ZNF131: variants seen among roughly 807,000 people sequenced by gnomAD.
The protein encoded by ZNF131 is zinc finger and BTB domain containing 35.
A neutral mutation model predicts 60.0 loss-of-function variants in ZNF131; 7 were observed. The observed-to-expected ratio is 0.12, with a 90% CI of 0.07 to 0.22. The LOEUF (loss-of-function observed/expected upper bound fraction) is 0.22. Among genes scored for constraint, ZNF131 ranks in the 10% least tolerant of loss-of-function variants. The pLI, the probability that ZNF131 is intolerant of heterozygous loss-of-function variation, is 1.00. For missense variants in ZNF131, 493 were observed against 740.9 expected (o/e 0.67, Z 3.88); for synonymous variants, 257 against 253.2 (o/e 1.01, Z -0.14).
At chr5:43,137,604 G>A (rs894936511) in intron 3 of ZNF131, among the ~76,000 whole-genome samples, 3 of 151,914 alleles carry the variant, frequency 2.0e-5, no homozygotes, top group Non-Finnish European at 4.4e-5. Context: ...TAGTATTGGT[G>A]AGGATATAAA....
rs180785285 is a variant in ZNF131 at position 43,135,214 on chromosome 5, C to T, written c.227-3951C>T. Reference sequence around the variant, plus strand: ...GGTTTCTCCATGTTGAGGCTGGTCTCGAACTCCTGACCTCAGGTGATCCAC... The same window carrying T: ...GGTTTCTCCATGTTGAGGCTGGTCTTGAACTCCTGACCTCAGGTGATCCAC... On this transcript the variant is annotated intron_variant, in intron 3 of 6. Transcript: ENST00000682664. Among the ~76,000 whole-genome samples the T allele has an allele frequency of 4.3e-3, 654 of 150,682 alleles. 3 individuals carry two copies. Among genetic ancestry groups the T allele is most frequent in the African/African-American group, 0.014 (577 of 41,056 alleles).
At chr5:43,149,108 C>T (rs1210572028) in intron 4 of ZNF131, among the ~76,000 whole-genome samples, 4 of 152,244 alleles carry the variant, frequency 2.6e-5, no homozygotes, top group East Asian at 3.9e-4. Context: ...GGCGAAACCC[C>T]GTCTGTACAA....
chr5:43,137,230 C>T (rs902375579), intron 3 of ZNF131, among the ~76,000 whole-genome samples: 4 of 151,954 alleles, frequency 2.6e-5, no homozygotes, highest in Admixed American at 1.3e-4. Context: ...AACTAAAAAG[C>T]TTCTGTACAG....
At chr5:43,173,707 G>A (rs985938497) in intron 6 of ZNF131, among the ~76,000 whole-genome samples, 4 of 152,026 alleles carry the variant, frequency 2.6e-5, no homozygotes, top group South Asian at 2.1e-4. Flanking sequence ...ATTAAAATTT[G>A]GGGTGGGGAT....
rs1227183712 is a variant in ZNF131, at chr5:43,176,178, G to A, written c.*1045G>A. 1.3e-5 allele frequency: 2 copies of A among 151,900 alleles called. No homozygotes were observed. The highest frequency in any genetic ancestry group is 2.9e-5 in the Non-Finnish European group (2 of 67,944). 9.4% of individuals were successfully genotyped at this position (151,900 alleles called of 1,614,324 possible). On this transcript the variant is annotated 3_prime_UTR_variant, in exon 7 of 7. Coordinates refer to ENST00000682664, the MANE Select transcript of ZNF131 (RefSeq NM_001330707.2). ...CATACAAATAAGAGTGCTAAACTGT[G>A]GACTTAAAAGTAGGTGTGTAAATAT...
At chr5:43,130,269 A>AG (rs1290475297) in intron 3 of ZNF131, among the ~76,000 whole-genome samples, 2 of 139,384 alleles carry the variant, frequency 1.4e-5, no homozygotes, top group Non-Finnish European at 3.3e-5. Flanking sequence ...GTCTCCAAAA[A>AG]AAAAAAAAAA....
chr5:43,127,651 A>G (rs1744721122), intron 3 of ZNF131, among the ~76,000 whole-genome samples: 1 of 151,466 alleles, frequency 6.6e-6, no homozygotes, highest in African/African-American at 2.4e-5. Flanking sequence ...CTCACCCTCC[A>G]TGTTTTCTGT....
At chr5:43,170,955 ATTT>A (rs1172588023) in intron 5 of ZNF131, among the ~76,000 whole-genome samples, 1 of 130,816 alleles carries the variant, frequency 7.6e-6, no homozygotes, top group African/African-American at 3.0e-5. Context: ...TTTTTTTTAA[ATTT>A]TTTTGAGACA....
rs1002521469 is a variant in ZNF131 at position 43,126,002 on chromosome 5, T to C, written c.226+2692T>C. 2.6e-5 allele frequency among the ~76,000 whole-genome samples: 4 copies of C among 152,192 alleles called. 1 individual carries two copies. The South Asian group carries it at 8.3e-4, about 31-fold the overall frequency. On this transcript the variant is annotated intron_variant, in intron 3 of 6. Transcript: ENST00000682664. ...TTTCTGTCATTTGGTCAGATTCAGGTTTAAATAATTAATTTGGTTCAGTAT... is the reference window on the plus strand; with the variant it reads ...TTTCTGTCATTTGGTCAGATTCAGGCTTAAATAATTAATTTGGTTCAGTAT...
chr5:43,164,108 CAT>C (rs1318195943), intron 5 of ZNF131, among the ~76,000 whole-genome samples: 23 of 152,198 alleles, frequency 1.5e-4, no homozygotes, highest in Admixed American at 1.4e-3. Context: ...TGATTGCAAA[CAT>C]GTATATATAC....
intron 3 of ZNF131, 90 bp downstream of exon 3, chr5:43,123,400 T>A: frequency 8.8e-7 from 1 of 1,135,232 alleles, no homozygotes; most frequent in East Asian, 2.6e-5. Context: ...TAGCAAACAA[T>A]TGGTGAAGCA....
chr5:43,136,260 A>C (rs1017863507), intron 3 of ZNF131, among the ~76,000 whole-genome samples: 1 of 152,344 alleles, frequency 6.6e-6, no homozygotes, highest in South Asian at 2.1e-4. Flanking sequence ...TTCAAAATCC[A>C]AAACAGTTGT....
chr5:43,141,516 C>T (rs1746819184), intron 4 of ZNF131, among the ~76,000 whole-genome samples: 1 of 152,026 alleles, frequency 6.6e-6, no homozygotes, highest in Non-Finnish European at 1.5e-5. Flanking sequence ...ACTTGTAATC[C>T]CAGCACTTTG....
chr5:43,143,986 G>A (rs1211649118), intron 4 of ZNF131, among the ~76,000 whole-genome samples: 4 of 131,022 alleles, frequency 3.1e-5, no homozygotes, highest in East Asian at 2.3e-4. Context: ...GCAGTGGTGC[G>A]ATCTTGGCTC....
At chr5:43,153,940 C>G (rs183076338) in intron 4 of ZNF131, among the ~76,000 whole-genome samples, 1 of 152,134 alleles carries the variant, frequency 6.6e-6, no homozygotes, top group Non-Finnish European at 1.5e-5. Flanking sequence ...TCCATCAGTA[C>G]CTTGACTGTT....
At chr5:43,121,860 G>C (rs550920312) in intron 1 of ZNF131, 179 bp from the exon 2 acceptor site, 2 of 570,408 alleles carry the variant, frequency 3.5e-6, no homozygotes, top group African/African-American at 3.9e-5. Context: ...CCGCGGCTCC[G>C]GTCTCAACGC....
At chr5:43,127,470 C>G (rs976777382) in intron 3 of ZNF131, among the ~76,000 whole-genome samples, 2 of 152,246 alleles carry the variant, frequency 1.3e-5, no homozygotes, top group Non-Finnish European at 2.9e-5. Flanking sequence ...ACAAGATCCC[C>G]AGATGGTGCC....
At chr5:43,148,493 T>C (rs1208243642) in intron 4 of ZNF131, among the ~76,000 whole-genome samples, 2 of 152,252 alleles carry the variant, frequency 1.3e-5, no homozygotes, top group South Asian at 2.1e-4. Context: ...GGTCAGGAGA[T>C]GACAAACATT....
chr5:43,158,614 T>G (rs564694567), intron 4 of ZNF131, among the ~76,000 whole-genome samples: 1 of 152,266 alleles, frequency 6.6e-6, no homozygotes, highest in South Asian at 2.1e-4. Flanking sequence ...CTCAGTTATA[T>G]CTGCACACTT....
Sources: gnomAD v4.1 joint callset for allele counts (sites outside exome capture counted in the v4.1 genomes callset) on GRCh38, gnomAD v4.1.1 for gene constraint, MANE v1.5 for transcripts, NCBI Gene and HGNC (gene_info 2026-07-23, HGNC 2026-07-21) for gene names.